Variants in TPH2 observed in about 807,000 individuals in gnomAD.
The protein encoded by TPH2 is tryptophan hydroxylase 2.
In TPH2, 27 loss-of-function variants were observed where a neutral mutation model predicts 59.1. That is an observed-to-expected ratio of 0.46 (90% CI 0.34 to 0.63). The LOEUF is 0.63. Among genes scored for constraint, TPH2 ranks in the 30% least tolerant of loss-of-function variants. The pLI is 0.01. For synonymous variants in TPH2, 220 were observed against 210.5 expected, an observed-to-expected ratio of 1.05 and a Z score of -0.39; for missense variants, 523 against 588.3, an observed-to-expected ratio of 0.89 and a Z score of 1.15.
intron 9 of TPH2, among the ~76,000 whole-genome samples, chr12:72,030,742 ACT>A (rs1873697115): frequency 6.6e-6 from 1 of 152,048 alleles, no homozygotes; most frequent in South Asian, 2.1e-4. Flanking sequence ...CCCACTCCAG[ACT>A]CTGTTGATAC....
intron 8 of TPH2, among the ~76,000 whole-genome samples, chr12:72,008,755 C>A (rs1873021665): frequency 6.6e-6 from 1 of 152,088 alleles, no homozygotes; most frequent in African/African-American, 2.4e-5. Flanking sequence ...TCCAGTCTAG[C>A]AAACTACTTC....
intron 2 of TPH2, among the ~76,000 whole-genome samples, chr12:71,943,397 G>T (rs928474709): frequency 3.9e-5 from 6 of 152,122 alleles, no homozygotes; most frequent in Non-Finnish European, 7.3e-5. Flanking sequence ...GGTGGGTTGG[G>T]ATGGAGAGAA....
chr12:71,955,260 C>T (rs990194920), intron 5 of TPH2, among the ~76,000 whole-genome samples: 1 of 152,180 alleles, frequency 6.6e-6, no homozygotes, highest in East Asian at 1.9e-4. Context: ...CTCAGTTTTT[C>T]TCCTCTGTAA....
chr12:71,969,209 G>T (rs1199782061), intron 5 of TPH2, among the ~76,000 whole-genome samples: 2 of 152,278 alleles, frequency 1.3e-5, no homozygotes, highest in East Asian at 3.9e-4. Flanking sequence ...CGTGAACCCG[G>T]GAGGCGGAGC....
At chr12:71,988,542 G>T (rs1363721327) in intron 7 of TPH2, among the ~76,000 whole-genome samples, 3 of 152,172 alleles carry the variant, frequency 2.0e-5, no homozygotes, top group Non-Finnish European at 4.4e-5. Flanking sequence ...TAAACGACCA[G>T]ATCTCGGGAG....
intron 8 of TPH2, among the ~76,000 whole-genome samples, chr12:71,999,868 C>A (rs1312766699): frequency 1.3e-5 from 2 of 152,214 alleles, no homozygotes; most frequent in Admixed American, 6.5e-5. Flanking sequence ...CCTTGAGGGA[C>A]AAGCCCATGC....
At chr12:71,994,232 G>A (rs1212102154) in intron 7 of TPH2, among the ~76,000 whole-genome samples, 1 of 152,194 alleles carries the variant, frequency 6.6e-6, no homozygotes, top group Non-Finnish European at 1.5e-5. Flanking sequence ...TTAAAACATG[G>A]TATATCATAT....
intron 6 of TPH2, among the ~76,000 whole-genome samples, chr12:71,977,633 C>A (rs557032418): frequency 6.6e-6 from 1 of 152,260 alleles, no homozygotes; most frequent in African/African-American, 2.4e-5. Context: ...ATAACAAAAC[C>A]AATTTTTCCC....
chr12:71,966,631 T>G (rs1871826043), intron 5 of TPH2, among the ~76,000 whole-genome samples: 1 of 152,228 alleles, frequency 6.6e-6, no homozygotes, highest in African/African-American at 2.4e-5. Flanking sequence ...TTCTTAACTA[T>G]TTCTATCAGA....
chr12:71,961,737 A>G (rs1305869663), intron 5 of TPH2: 5 of 1,343,452 alleles, frequency 3.7e-6, no homozygotes, highest in Non-Finnish European at 4.9e-6. Context: ...ACTTCTCTAG[A>G]ATATGAAGAG....
intron 8 of TPH2, among the ~76,000 whole-genome samples, chr12:72,004,537 CT>C (rs1872903284): frequency 6.6e-6 from 1 of 152,138 alleles, no homozygotes; most frequent in Non-Finnish European, 1.5e-5. Context: ...GGACTTCTTA[CT>C]TTTTCTTCTC....
intron 8 of TPH2, among the ~76,000 whole-genome samples, chr12:72,007,364 T>C (rs936470291): frequency 1.6e-4 from 24 of 152,162 alleles, no homozygotes; most frequent in Non-Finnish European, 2.9e-5. Context: ...CTAAACTTGT[T>C]AAGCAGATTA....
chr12:72,027,590 C>A (rs369893399), intron 9 of TPH2, among the ~76,000 whole-genome samples: 1 of 152,140 alleles, frequency 6.6e-6, no homozygotes, highest in East Asian at 1.9e-4. Context: ...GTGTTCTTAA[C>A]CATAAAGACC....
intron 5 of TPH2, among the ~76,000 whole-genome samples, chr12:71,958,449 C>T (rs188005562): frequency 1.1e-4 from 16 of 152,262 alleles, no homozygotes; most frequent in Admixed American, 9.2e-4. Context: ...AAGTTATTCT[C>T]CTTACAGAAT....
At chr12:72,011,476 G>T (rs1873097407) in intron 8 of TPH2, among the ~76,000 whole-genome samples, 1 of 152,166 alleles carries the variant, frequency 6.6e-6, no homozygotes, top group Admixed American at 6.5e-5. Context: ...CTAAATGAAG[G>T]TCTGGGCAGT....
chr12:71,972,415 G>A, intron 5 of TPH2, 104 bp from the exon 6 acceptor site: 2 of 1,081,032 alleles, frequency 1.9e-6, no homozygotes, highest in African/African-American at 1.5e-5. Context: ...ACGCTCATGT[G>A]CTCCACTTTG....
intron 7 of TPH2, among the ~76,000 whole-genome samples, chr12:71,986,979 T>C (rs1317596948): frequency 2.0e-5 from 3 of 152,132 alleles, no homozygotes; most frequent in Non-Finnish European, 4.4e-5. Context: ...GAGAATTGTG[T>C]CTGTGGGTGG....
intron 7 of TPH2, among the ~76,000 whole-genome samples, chr12:71,987,779 G>C (rs1257038894): frequency 6.6e-6 from 1 of 152,174 alleles, no homozygotes; most frequent in African/African-American, 2.4e-5. Flanking sequence ...TTGAACCCGG[G>C]AGGCGGAGCT....
rs188386813 is a variant in TPH2, at chr12:71,947,128, C to A, written c.540+2442C>A. On this transcript the variant is annotated intron_variant, in intron 4 of 10. Transcript: ENST00000333850. Reference sequence around the variant, plus strand: ...GCATTTCAAGGTATCTGCAGGGGATCCTGATGAGATCTAAAGTTTGAGAAC... The same window carrying A: ...GCATTTCAAGGTATCTGCAGGGGATACTGATGAGATCTAAAGTTTGAGAAC... Among the ~76,000 whole-genome samples the A allele has an allele frequency of 7.1e-3, 1,083 of 152,282 alleles. 7 individuals carry two copies. Among genetic ancestry groups the A allele is most frequent in the African/African-American group, 0.024 (999 of 41,554 alleles).
Sources: gnomAD v4.1 joint callset for allele counts (sites outside exome capture counted in the v4.1 genomes callset) on GRCh38, gnomAD v4.1.1 for gene constraint, MANE v1.5 for transcripts, NCBI Gene and HGNC (gene_info 2026-07-23, HGNC 2026-07-21) for gene names.